Variants in NAV3 observed in about 807,000 individuals in gnomAD.
NAV3 encodes the protein neuron navigator 3, also known as pore membrane and/or filament interacting like protein 1.
A neutral mutation model predicts 244.7 loss-of-function variants in NAV3; 87 were observed. The observed-to-expected ratio is 0.36, with a 90% confidence interval of 0.30 to 0.42. The LOEUF is 0.42. Ranked by LOEUF, NAV3 falls within the 20% of genes least tolerant of loss-of-function variation. The pLI, the probability that NAV3 is intolerant of heterozygous loss-of-function variation, is 1.00. For synonymous variants in NAV3, 1,126 were observed against 1,042.2 expected, an observed-to-expected ratio of 1.08 and a Z score of -1.55; for missense variants, 2,663 against 2,893.3, an observed-to-expected ratio of 0.92 and a Z score of 1.83.
rs112965007 is a variant in NAV3 at position 78,062,632 on chromosome 12, T to G, written c.2636+3517T>G. On this transcript the variant is annotated intron_variant, in intron 12 of 39. Coordinates refer to ENST00000397909, the MANE Select transcript of NAV3 (RefSeq NM_001024383.2). ...AATAATTAACTTGTTCCTGTAGCAT[T>G]TTAAGAAATGTTGATTTAGTTGAAT... Among the ~76,000 whole-genome samples, 1,226 of 152,172 alleles carry G rather than the reference T, an allele frequency of 8.1e-3. 4 individuals carry two copies. Among genetic ancestry groups the G allele is most frequent in the Middle Eastern group, 0.02 (6 of 294 alleles).
At chr12:78,135,865 T>C (rs1484821680) in intron 18 of NAV3, among the ~76,000 whole-genome samples, 1 of 152,164 alleles carries the variant, frequency 6.6e-6, no homozygotes, top group East Asian at 1.9e-4. Context: ...CAATAGATTG[T>C]GCACTTTGGA....
Position 77,713,883 on chromosome 12 carries a change from C to T in NAV3, c.72+141617C>T, listed in dbSNP as rs112597194. Among the ~76,000 whole-genome samples, 1,159 of 152,140 alleles carry T rather than the reference C, an allele frequency of 7.6e-3. 13 individuals are homozygous for T. Among genetic ancestry groups the T allele is most frequent in the Middle Eastern group, 0.024 (7 of 292 alleles). ...ATTAACCATTTAGATTCATTTTTAT[C>T]ATTTCTGAAATTAGGAAGATATTAT... On this transcript the variant is annotated intron_variant, in intron 2 of 8. Coordinates refer to the NAV3 transcript ENST00000550042.
At chr12:77,870,341 G>T (rs942549934) in intron 1 of NAV3, among the ~76,000 whole-genome samples, 4 of 145,548 alleles carry the variant, frequency 2.7e-5, no homozygotes, top group African/African-American at 1.0e-4. Flanking sequence ...CTCCATCTTG[G>T]TAACAGAGTG....
chr12:78,199,965 GTTAT>G (rs747734452), intron 37 of NAV3, among the ~76,000 whole-genome samples: 10 of 152,030 alleles, frequency 6.6e-5, no homozygotes, highest in Admixed American at 4.6e-4. Context: ...ACTGTTTTGA[GTTAT>G]TTCTCTTTTA....
chr12:77,873,415 GA>G (rs1049063352), intron 1 of NAV3, among the ~76,000 whole-genome samples: 2 of 151,610 alleles, frequency 1.3e-5, no homozygotes, highest in Non-Finnish European at 2.9e-5. Context: ...ACTTTATAAT[GA>G]AATGATATTT....
intron 9 of NAV3, among the ~76,000 whole-genome samples, chr12:78,025,595 CAAAAA>C (rs1186694789): frequency 7.4e-4 from 41 of 55,556 alleles, no homozygotes; most frequent in Admixed American, 8.9e-4. Flanking sequence ...GACTCCATCT[CAAAAA>C]AAAAAAAAAA....
chr12:77,769,184 C>T (rs1869942895), intron 2 of NAV3, among the ~76,000 whole-genome samples: 1 of 152,112 alleles, frequency 6.6e-6, no homozygotes, highest in Admixed American at 6.5e-5. Flanking sequence ...AGGTCATTTC[C>T]AGGGTGTGTT....
At chr12:77,724,556 C>T (rs968025295) in intron 2 of NAV3, among the ~76,000 whole-genome samples, 5 of 151,540 alleles carry the variant, frequency 3.3e-5, no homozygotes, top group Admixed American at 6.6e-5. Context: ...ACTGTGTTTG[C>T]CACCAGAAGG....
At chr12:78,124,000 TG>T (rs1224727228) in intron 16 of NAV3, among the ~76,000 whole-genome samples, 1 of 152,214 alleles carries the variant, frequency 6.6e-6, no homozygotes, top group African/African-American at 2.4e-5. Flanking sequence ...TATCCTAGAT[TG>T]TATGCTCATA....
intron 1 of NAV3, among the ~76,000 whole-genome samples, chr12:77,842,959 A>T (rs886914877): frequency 6.6e-6 from 1 of 152,144 alleles, no homozygotes; most frequent in African/African-American, 2.4e-5. Context: ...AAATGTACAG[A>T]TTATATATTT....
At chr12:77,686,372 C>T (rs1727871) in intron 2 of NAV3, among the ~76,000 whole-genome samples, 134,498 of 150,892 alleles carry the variant, frequency 0.89, 60,708 homozygotes, top group East Asian at 1. Flanking sequence ...GGATTACAGA[C>T]GTGAGCCACC....
intron 2 of NAV3, among the ~76,000 whole-genome samples, chr12:77,695,693 T>A (rs1379699615): frequency 6.6e-6 from 1 of 152,102 alleles, no homozygotes; most frequent in African/African-American, 2.4e-5. Flanking sequence ...TCTCCTCCAT[T>A]CCCCATCCCA....
intron 11 of NAV3, among the ~76,000 whole-genome samples, chr12:78,053,549 A>G (rs1191123478): frequency 6.6e-6 from 1 of 152,170 alleles, no homozygotes; most frequent in African/African-American, 2.4e-5. Context: ...TAAGGCCGGA[A>G]TGAAGCTTAT....
intron 2 of NAV3, among the ~76,000 whole-genome samples, chr12:77,681,720 T>C (rs1173665485): frequency 6.6e-6 from 1 of 152,192 alleles, no homozygotes; most frequent in Non-Finnish European, 1.5e-5. Context: ...GTGTATGCTT[T>C]GATGAGTTTT....
intron 9 of NAV3, among the ~76,000 whole-genome samples, chr12:78,038,249 C>G (rs1880247006): frequency 6.6e-6 from 1 of 152,214 alleles, no homozygotes; most frequent in African/African-American, 2.4e-5. Context: ...ATTTACATCA[C>G]ACAGTCCCTT....
intron 12 of NAV3, among the ~76,000 whole-genome samples, chr12:78,059,961 A>ATG (rs55881265): frequency 0.4 from 60,205 of 149,556 alleles, 14,564 homozygotes; most frequent in Non-Finnish European, 0.57. Context: ...TTTCTTAAAG[A>ATG]TGTGTGTGTG....
chr12:78,141,631 G>T (rs1244078628), intron 20 of NAV3, among the ~76,000 whole-genome samples: 1 of 152,042 alleles, frequency 6.6e-6, no homozygotes, highest in Non-Finnish European at 1.5e-5. Context: ...ATTGGCAGAG[G>T]TAATATTTTT....
At chr12:77,632,021 C>G (rs1252566448) in intron 2 of NAV3, among the ~76,000 whole-genome samples, 5 of 152,086 alleles carry the variant, frequency 3.3e-5, no homozygotes, top group Non-Finnish European at 7.3e-5. Context: ...GGGCAGCTGC[C>G]CTGGTATTTA....
intron 1 of NAV3, among the ~76,000 whole-genome samples, chr12:77,911,410 AG>A (rs985959529): frequency 6.6e-6 from 1 of 152,150 alleles, no homozygotes; most frequent in Non-Finnish European, 1.5e-5. Context: ...GAAATGTTCA[AG>A]GTTTTCAATC....
Sources: gnomAD v4.1 joint callset for allele counts (sites outside exome capture counted in the v4.1 genomes callset) on GRCh38, gnomAD v4.1.1 for gene constraint, MANE v1.5 for transcripts, NCBI Gene and HGNC (gene_info 2026-07-23, HGNC 2026-07-21) for gene names.